Variants in PDCD1LG2 observed in about 807,000 individuals in gnomAD.
PDCD1LG2 encodes B7 dendritic cell molecule.
A neutral mutation model predicts 28.2 loss-of-function variants in PDCD1LG2; 32 were observed. That is an observed-to-expected ratio of 1.13 (90% CI 0.86 to 1.52). PDCD1LG2 has a LOEUF of 1.52. Among genes scored for constraint, PDCD1LG2 ranks in the 40% most tolerant of loss-of-function variants. The pLI is 0.00. For missense variants in PDCD1LG2, 385 were observed against 323.8 expected (o/e 1.19, Z -1.45); for synonymous variants, 116 against 120.2 (o/e 0.97, Z 0.23).
intron 1 of PDCD1LG2, among the ~76,000 whole-genome samples, chr9:5,514,592 T>A (rs974706508): frequency 6.6e-6 from 1 of 152,020 alleles, no homozygotes; most frequent in Non-Finnish European, 1.5e-5. Context: ...ATAAGCAGAA[T>A]AAGCTGGGCA....
chr9:5,518,934 T>C (rs915533523), intron 1 of PDCD1LG2, among the ~76,000 whole-genome samples: 1 of 152,164 alleles, frequency 6.6e-6, no homozygotes, highest in African/African-American at 2.4e-5. Context: ...TTTTAAAATA[T>C]AGGTTTTATT....
intron 3 of PDCD1LG2, among the ~76,000 whole-genome samples, chr9:5,539,866 T>A (rs12001779): frequency 0.052 from 7,871 of 152,200 alleles, 646 homozygotes; most frequent in African/African-American, 0.18. Context: ...AAACAATGAA[T>A]TTAAACTATG....
intron 4 of PDCD1LG2, 147 bp from the exon 5 acceptor site, chr9:5,557,471 G>T: frequency 2.3e-6 from 2 of 883,868 alleles, no homozygotes; most frequent in East Asian, 2.4e-5. Flanking sequence ...TGAGCTGATA[G>T]GTGCAGAGCA....
At chr9:5,524,535 C>A (rs1349896573) in intron 2 of PDCD1LG2, among the ~76,000 whole-genome samples, 1 of 152,148 alleles carries the variant, frequency 6.6e-6, no homozygotes, top group Non-Finnish European at 1.5e-5. Context: ...TAAATACCTA[C>A]CTAAATTAGA....
At position 5,522,534 on chromosome 9, in the gene PDCD1LG2, T is replaced by G; in HGVS notation, c.-13T>G. ...GAGACTTTCAATTGTCTATTTCAGA[T>G]CAAATACAGAACATGATCTTCCTCC... On this transcript the variant is annotated splice_region_variant and 5_prime_UTR_variant, in exon 2 of 7. Coordinates refer to ENST00000397747, the MANE Select transcript of PDCD1LG2 (RefSeq NM_025239.4). 1 of 1,612,730 alleles carries G rather than the reference T, an allele frequency of 6.2e-7. No individual in the cohort carries two copies. Among genetic ancestry groups the G allele is most frequent in the South Asian group, 1.1e-5 (1 of 90,886 alleles).
chr9:5,549,099 G>A (rs16923208), intron 3 of PDCD1LG2, among the ~76,000 whole-genome samples: 39,811 of 151,970 alleles, frequency 0.26, 5,738 homozygotes, highest in African/African-American at 0.38. Context: ...TTCAGTAACC[G>A]TCCACAAGAA....
chr9:5,521,593 C>A (rs970794764), intron 1 of PDCD1LG2, among the ~76,000 whole-genome samples: 1 of 152,150 alleles, frequency 6.6e-6, no homozygotes, highest in Non-Finnish European at 1.5e-5. Flanking sequence ...CCAGCAACCT[C>A]TCCCTCTCAG....
intron 3 of PDCD1LG2, among the ~76,000 whole-genome samples, chr9:5,538,405 G>T (rs1490614467): frequency 6.6e-6 from 1 of 151,958 alleles, no homozygotes; most frequent in Admixed American, 6.6e-5. Flanking sequence ...GACACATTAG[G>T]CCGGGCGCGG....
rs145173240 is a variant in PDCD1LG2, at chr9:5,563,839, C to A, written c.816+628C>A. Among the ~76,000 whole-genome samples the A allele has an allele frequency of 1.3e-4, 20 of 152,318 alleles. No individual in the cohort carries two copies. The East Asian group carries it at 3.7e-3, about 28-fold the overall frequency. The stretch of plus-strand genomic sequence containing the variant: ...TTACAGTCTTGAGGCAGAATTCCAT[C>A]TTTTCTGGGAAACCTCAGTTTTTTG... On this transcript the variant is annotated intron_variant, in intron 6 of 6. Coordinates refer to ENST00000397747, the MANE Select transcript of PDCD1LG2 (RefSeq NM_025239.4).
At chr9:5,543,183 A>G (rs899663571) in intron 3 of PDCD1LG2, among the ~76,000 whole-genome samples, 7 of 152,168 alleles carry the variant, frequency 4.6e-5, no homozygotes, top group Admixed American at 1.3e-4. Flanking sequence ...GGAAAGGCAT[A>G]AGAATGATAC....
intron 1 of PDCD1LG2, among the ~76,000 whole-genome samples, chr9:5,516,938 G>A (rs1820177625): frequency 6.6e-6 from 1 of 152,204 alleles, no homozygotes; most frequent in Non-Finnish European, 1.5e-5. Flanking sequence ...GCAGCTACAG[G>A]GGTGCCTGGG....
At chr9:5,515,480 G>A (rs544606119) in intron 1 of PDCD1LG2, among the ~76,000 whole-genome samples, 5 of 152,308 alleles carry the variant, frequency 3.3e-5, no homozygotes, top group Admixed American at 2.0e-4. Flanking sequence ...TGAGCAAGGC[G>A]GAGAGGAGCT....
Position 5,549,619 on chromosome 9 carries a change from C to T in PDCD1LG2, c.631+15C>T, listed in dbSNP as rs766516457. ...TGACCTTCAAAGTAAGAGCTGCCCC[C>T]ACTTCCTAGGTCTATCAGTTAGGGT... On this transcript the variant is annotated intron_variant, in intron 4 of 6. Transcript: ENST00000397747. 1.9e-5 allele frequency: 30 copies of T among 1,613,526 alleles called. No homozygotes were observed. The Admixed American group carries it at 4.0e-4, about 22-fold the overall frequency.
intron 6 of PDCD1LG2, among the ~76,000 whole-genome samples, chr9:5,565,165 C>G (rs142865302): frequency 3.2e-4 from 48 of 152,276 alleles, no homozygotes; most frequent in African/African-American, 1.0e-3. Flanking sequence ...ATACACTACA[C>G]TCTGCTTTTT....
intron 1 of PDCD1LG2, among the ~76,000 whole-genome samples, chr9:5,520,049 C>G (rs1563820685): frequency 6.6e-6 from 1 of 152,164 alleles, no homozygotes. Flanking sequence ...TACCAAAATT[C>G]CAGCTTCCTT....
intron 2 of PDCD1LG2, among the ~76,000 whole-genome samples, chr9:5,529,029 T>C (rs886179091): frequency 6.6e-6 from 1 of 152,240 alleles, no homozygotes; most frequent in Non-Finnish European, 1.5e-5. Context: ...GCCACGACCT[T>C]AAGAGTTCTT....
chr9:5,532,500 C>T (rs1281855852), intron 2 of PDCD1LG2, among the ~76,000 whole-genome samples: 1 of 152,190 alleles, frequency 6.6e-6, no homozygotes. Context: ...TTCTCCCTCT[C>T]TCTCTTTCTG....
chr9:5,570,204 C>T lies in PDCD1LG2; in HGVS notation c.*245C>T. The T allele has an allele frequency of 4.5e-6, 2 of 441,290 alleles. No individual in the cohort carries two copies. The highest frequency in any genetic ancestry group is 3.1e-5 in the East Asian group (1 of 32,040). The allele number at this position is 441,290 out of a possible 1,614,324, so 27.3% of individuals were successfully genotyped here. A position where few individuals can be genotyped will look rare whatever the true frequency, so the allele number is the denominator to read the frequency against. On this transcript the variant is annotated 3_prime_UTR_variant, in exon 7 of 7. Transcript: ENST00000397747. ...TTTAAGCAAGCACTACTGCACTTTA[C>T]AGAATTACCCCACTGGATCCTGGAC...
At chr9:5,522,801 C>T (rs971420054) in intron 2 of PDCD1LG2, among the ~76,000 whole-genome samples, 200 bp downstream of exon 2, 2 of 151,856 alleles carry the variant, frequency 1.3e-5, no homozygotes, top group Non-Finnish European at 2.9e-5. Flanking sequence ...CTGACAGAAA[C>T]GGTGACTGAG....
Sources: allele counts gnomAD v4.1 joint callset (sites outside exome capture counted in the v4.1 genomes callset), GRCh38; gene constraint gnomAD v4.1.1; transcripts MANE v1.5; gene names NCBI Gene and HGNC (gene_info 2026-07-23, HGNC 2026-07-21).